Variants in CELF2 observed in about 807,000 individuals in gnomAD.
CELF2 encodes the protein CUG triplet repeat RNA-binding protein 2.
Under a neutral mutation model 62.6 loss-of-function variants are expected in CELF2, and 8 were observed. The observed-to-expected ratio is 0.13, with a 90% CI of 0.07 to 0.23. CELF2 has a LOEUF of 0.23. Among genes scored for constraint, CELF2 ranks in the 10% least tolerant of loss-of-function variants. CELF2 has a pLI of 1.00. For missense variants in CELF2, 333 were observed against 671.0 expected, an observed-to-expected ratio of 0.50 and a Z score of 5.56; for synonymous variants, 258 against 250.0, an observed-to-expected ratio of 1.03 and a Z score of -0.30.
At chr10:10,856,032 A>T (rs546037191) in intron 1 of CELF2, among the ~76,000 whole-genome samples, 2 of 152,294 alleles carry the variant, frequency 1.3e-5, no homozygotes, top group South Asian at 4.2e-4. Context: ...TAAATTTATT[A>T]TACTTTTTCA....
chr10:11,066,061 C>T (rs776799214), intron 1 of CELF2, among the ~76,000 whole-genome samples: 6 of 151,960 alleles, frequency 3.9e-5, no homozygotes, highest in South Asian at 2.1e-4. Context: ...GCTGAGAGGG[C>T]GTAGGGAGGA....
At position 11,220,131 on chromosome 10, in the gene CELF2, T is replaced by G. The variant is rs1036191243; in HGVS notation, c.354+2624T>G. On this transcript the variant is annotated intron_variant, in intron 3 of 12. Transcript: ENST00000633077. This position sits in a 1 kb window ranked among gnomAD's most constrained non-coding sequence, Gnocchi z 4.4. ...GCTGACACTTTAAAGCTTTTCTGGT[T>G]GTAATCATTTTCCTGTGGATAAAAT... Among the ~76,000 whole-genome samples, 8 of 152,242 alleles carry G rather than the reference T, an allele frequency of 5.3e-5. No individual in the cohort carries two copies. The highest frequency in any genetic ancestry group is 1.2e-4 in the Non-Finnish European group (8 of 68,032).
At chr10:10,661,440 C>G in the CELF2 span, among the ~76,000 whole-genome samples, 735 of 152,298 alleles carry the variant, frequency 4.8e-3, 1 homozygote, top group Non-Finnish European at 7.9e-3. Context: ...GGTTTCCAGG[C>G]TCTGGCTTGT....
At chr10:10,549,648 G>C in the CELF2 span, among the ~76,000 whole-genome samples, 2 of 152,120 alleles carry the variant, frequency 1.3e-5, no homozygotes, top group East Asian at 3.9e-4. Context: ...CCTATGTCTT[G>C]AAATATTCTT....
At chr10:10,667,813 C>A in the CELF2 span, among the ~76,000 whole-genome samples, 21 of 152,294 alleles carry the variant, frequency 1.4e-4, no homozygotes, top group African/African-American at 4.8e-4. Context: ...ATAGTCCATG[C>A]CATTTTCCAG....
chr10:10,518,004 G>A, the CELF2 span, among the ~76,000 whole-genome samples: 8 of 152,126 alleles, frequency 5.3e-5, no homozygotes, highest in Non-Finnish European at 8.8e-5. Context: ...CATTGAAAAG[G>A]TGACAAACCA....
At chr10:11,024,893 T>C (rs1218527471) in intron 1 of CELF2, among the ~76,000 whole-genome samples, 3 of 152,216 alleles carry the variant, frequency 2.0e-5, no homozygotes, top group Admixed American at 2.0e-4. Context: ...TCTGGTACCA[T>C]AACAGTGTAC....
the CELF2 span, among the ~76,000 whole-genome samples, chr10:10,492,679 C>A: frequency 1.3e-5 from 2 of 152,232 alleles, no homozygotes; most frequent in East Asian, 1.9e-4. Flanking sequence ...CAAGTGACCA[C>A]CATAAACAAA....
At chr10:11,190,484 C>T (rs923187234) in intron 2 of CELF2, among the ~76,000 whole-genome samples, 3 of 151,916 alleles carry the variant, frequency 2.0e-5, no homozygotes, top group African/African-American at 7.3e-5. Context: ...AAAAAATGAA[C>T]ACTAAAGGCA....
At chr10:11,273,731 G>GT (rs1441318048) in intron 7 of CELF2, among the ~76,000 whole-genome samples, 6 of 103,842 alleles carry the variant, frequency 5.8e-5, no homozygotes, top group East Asian at 2.3e-4. Context: ...TTGTTTTTTT[G>GT]TTTTTTTTGA....
At chr10:10,978,347 A>G (rs1292984556) in intron 2 of CELF2, among the ~76,000 whole-genome samples, 1 of 152,200 alleles carries the variant, frequency 6.6e-6, no homozygotes, top group Non-Finnish European at 1.5e-5. Context: ...AAGGGAAACT[A>G]TTCACCTGTG....
chr10:11,105,467 AC>A (rs2053155362), intron 1 of CELF2: 3 of 152,210 alleles, frequency 2.0e-5, no homozygotes, highest in Non-Finnish European at 4.4e-5. Flanking sequence ...TCTTGCTCTT[AC>A]CCTTCCAGAA....
rs944296407 is a variant in CELF2 at position 11,247,171 on chromosome 10, G to T, written c.355-1982G>T. On this transcript the variant is annotated intron_variant, in intron 3 of 12. Coordinates refer to ENST00000633077, the MANE Select transcript of CELF2 (RefSeq NM_001326342.2). The surrounding 1 kb of genome is among the most constrained non-coding windows in gnomAD (Gnocchi z 5.4). ...GCCAAAATGGCTTTTCTAGAATTTC[G>T]ATCTTGTTTCCTTTGTTACTTCTTC... Among the ~76,000 whole-genome samples, 2 of 152,296 alleles carry T rather than the reference G, an allele frequency of 1.3e-5. No individual in the cohort carries two copies. Among genetic ancestry groups the T allele is most frequent in the South Asian group, 2.1e-4 (1 of 4,826 alleles).
At chr10:11,323,713 AGTGAGT>A (rs1368433924) in intron 11 of CELF2, among the ~76,000 whole-genome samples, 1 of 152,158 alleles carries the variant, frequency 6.6e-6, no homozygotes. Flanking sequence ...CAGGACCAGT[AGTGAGT>A]GTAACAGAGA....
intron 1 of CELF2, among the ~76,000 whole-genome samples, chr10:11,097,581 G>A (rs761978678): frequency 9.2e-5 from 14 of 152,146 alleles, no homozygotes; most frequent in East Asian, 1.9e-4. Flanking sequence ...TGAGTGCTCC[G>A]GTTCAATAGT....
chr10:10,978,723 C>A (rs1160348630), intron 2 of CELF2, among the ~76,000 whole-genome samples: 1 of 152,072 alleles, frequency 6.6e-6, no homozygotes, highest in Admixed American at 6.5e-5. Flanking sequence ...CAACCACTAC[C>A]GATTATATGG....
intron 1 of CELF2, among the ~76,000 whole-genome samples, chr10:11,139,168 T>C (rs928023207): frequency 2.6e-5 from 4 of 152,222 alleles, no homozygotes; most frequent in Admixed American, 6.5e-5. Context: ...AGAATGTTAC[T>C]TGTAAGGAAA....
At chr10:10,529,881 A>G in the CELF2 span, among the ~76,000 whole-genome samples, 4 of 152,144 alleles carry the variant, frequency 2.6e-5, no homozygotes, top group African/African-American at 9.7e-5. Context: ...AGGCAGTGCC[A>G]CCATCTTTAG....
rs2071616455 is a variant in CELF2, at chr10:11,177,432, A to G, written c.271+11750A>G. Among the ~76,000 whole-genome samples, 1 of 151,990 alleles carries G rather than the reference A, an allele frequency of 6.6e-6. No individual in the cohort carries two copies. The highest frequency in any genetic ancestry group is 2.4e-5 in the African/African-American group (1 of 41,406). Reference sequence around the variant, plus strand: ...TTGCATGTGTGAATTAAAAAAAAAAAAAAGAGAAAATTAGGTTATTAAAAG... The same window carrying G: ...TTGCATGTGTGAATTAAAAAAAAAAGAAAGAGAAAATTAGGTTATTAAAAG... On this transcript the variant is annotated intron_variant, in intron 2 of 12. Transcript: ENST00000633077. This position sits in a 1 kb window ranked among gnomAD's most constrained non-coding sequence, Gnocchi z 4.8.
Sources: gnomAD v4.1 joint callset for allele counts (sites outside exome capture counted in the v4.1 genomes callset) on GRCh38, gnomAD v4.1.1 for gene constraint, Gnocchi (gnomAD v3.1) non-coding constraint, MANE v1.5 for transcripts, NCBI Gene and HGNC (gene_info 2026-07-23, HGNC 2026-07-21) for gene names.